The following IQCK variants were observed in gnomAD, a reference collection of about 807,000 sequenced individuals.
The protein encoded by IQCK is IQ motif containing K.
Under a neutral mutation model 28.1 loss-of-function variants are expected in IQCK, and 29 were observed. That is an observed-to-expected ratio of 1.03 (90% confidence interval 0.77 to 1.41). IQCK has a LOEUF of 1.41. Ranked by LOEUF, IQCK falls within the 40% of genes most tolerant of loss-of-function variation. IQCK has a pLI of 0.00. For missense variants in IQCK, 359 were observed against 314.7 expected, an observed-to-expected ratio of 1.14 and a Z score of -1.07; for synonymous variants, 113 against 115.1, an observed-to-expected ratio of 0.98 and a Z score of 0.12.
chr16:19,768,637 T>G (rs995769332), intron 6 of IQCK, among the ~76,000 whole-genome samples: 3 of 152,070 alleles, frequency 2.0e-5, no homozygotes, highest in Non-Finnish European at 2.9e-5. Context: ...TCCCAGCTAC[T>G]CGGAAGGCTG....
chr16:19,843,333 G>A (rs11865416), intron 9 of IQCK, among the ~76,000 whole-genome samples: 48,892 of 151,922 alleles, frequency 0.32, 8,405 homozygotes, highest in East Asian at 0.53. Context: ...ATCACCCCCA[G>A]AAGAAACCCT....
At chr16:19,799,077 C>G (rs2055724072) in intron 7 of IQCK, among the ~76,000 whole-genome samples, 1 of 88,260 alleles carries the variant, frequency 1.1e-5, no homozygotes, top group Non-Finnish European at 1.9e-5. Context: ...AAAATATATA[C>G]TATTCATCCT....
chr16:19,817,057 T>C (rs2055998653), intron 7 of IQCK, among the ~76,000 whole-genome samples: 1 of 152,146 alleles, frequency 6.6e-6, no homozygotes, highest in Non-Finnish European at 1.5e-5. Flanking sequence ...TACCCTGTAC[T>C]AGCTTCCATC....
chr16:19,718,556 G>A lies in IQCK; in HGVS notation c.181+69G>A, dbSNP rs991334320. 9 of 1,389,148 alleles carry A rather than the reference G, an allele frequency of 6.5e-6. No homozygotes were observed. In the Admixed American group the frequency reaches 1.6e-4, roughly 25 times the overall value. The allele number at this position is 1,389,148 out of a possible 1,614,324, so 86.1% of individuals were successfully genotyped here. ...CGGACGGGGGCCGCGTTTGGGGAGC[G>A]CCCACTGTGCGCCTGTCGGCTGACG... On this transcript the variant is annotated intron_variant, in intron 1 of 7. Coordinates refer to ENST00000564186, the Ensembl canonical transcript of IQCK.
At chr16:19,836,399 T>C (rs2056297849) in intron 9 of IQCK, among the ~76,000 whole-genome samples, 1 of 152,220 alleles carries the variant, frequency 6.6e-6, no homozygotes, top group African/African-American at 2.4e-5. Context: ...TGCAAAAGTC[T>C]GCACAGCTAT....
intron 7 of IQCK, among the ~76,000 whole-genome samples, chr16:19,799,163 G>T (rs192537341): frequency 8.6e-6 from 1 of 115,990 alleles, no homozygotes; most frequent in Non-Finnish European, 1.6e-5. Flanking sequence ...ACTTTTTTAA[G>T]CCTACTCTCT....
At chr16:19,726,017 A>T (rs1977643910) in intron 1 of IQCK, among the ~76,000 whole-genome samples, 1 of 150,954 alleles carries the variant, frequency 6.6e-6, no homozygotes, top group South Asian at 2.1e-4. Flanking sequence ...CCGAGTTCAC[A>T]CCATTATCCT....
chr16:19,753,355 A>T (rs910539824), intron 4 of IQCK, among the ~76,000 whole-genome samples: 1 of 152,120 alleles, frequency 6.6e-6, no homozygotes, highest in Non-Finnish European at 1.5e-5. Context: ...GAGCCTAGGA[A>T]TTCAAGGCTG....
At chr16:19,746,279 C>G (rs942307181) in intron 4 of IQCK, among the ~76,000 whole-genome samples, 1 of 151,008 alleles carries the variant, frequency 6.6e-6, no homozygotes. Flanking sequence ...GCATGCAATG[C>G]GAAATATCAT....
intron 4 of IQCK, among the ~76,000 whole-genome samples, chr16:19,750,832 A>G (rs1449880440): frequency 1.3e-5 from 2 of 152,182 alleles, no homozygotes; most frequent in African/African-American, 4.8e-5. Flanking sequence ...GAAAGATAAC[A>G]ATTGAATAAC....
At chr16:19,774,590 C>G (rs991422130) in intron 6 of IQCK, among the ~76,000 whole-genome samples, 1 of 152,022 alleles carries the variant, frequency 6.6e-6, no homozygotes, top group East Asian at 1.9e-4. Flanking sequence ...TCTGGAACTC[C>G]TGAGCTCAAG....
chr16:19,842,011 C>T (rs897233567), intron 9 of IQCK, among the ~76,000 whole-genome samples: 22 of 151,990 alleles, frequency 1.4e-4, no homozygotes, highest in Non-Finnish European at 2.6e-4. Flanking sequence ...ACGCCTAGCA[C>T]ATTTTTGTAT....
chr16:19,725,145 T>C (rs979698506), intron 1 of IQCK, among the ~76,000 whole-genome samples: 1 of 152,340 alleles, frequency 6.6e-6, no homozygotes, highest in East Asian at 1.9e-4. Context: ...TTATAACCTT[T>C]GGTAATGGAA....
At chr16:19,836,835 A>G (rs1209793242) in intron 9 of IQCK, among the ~76,000 whole-genome samples, 1 of 152,178 alleles carries the variant, frequency 6.6e-6, no homozygotes, top group Non-Finnish European at 1.5e-5. Context: ...TTTGAAGGAT[A>G]TAGATAAATC....
At chr16:19,726,490 C>G (rs1317662316) in intron 1 of IQCK, among the ~76,000 whole-genome samples, 1 of 151,980 alleles carries the variant, frequency 6.6e-6, no homozygotes, top group Admixed American at 6.6e-5. Flanking sequence ...AAATACCTCT[C>G]TGTGGATCAA....
At chr16:19,719,427 A>G (rs11859190) in intron 1 of IQCK, among the ~76,000 whole-genome samples, 2,813 of 151,760 alleles carry the variant, frequency 0.019, 71 homozygotes, top group African/African-American at 0.064. Context: ...CTCTACTGAA[A>G]ATACAAAAAA....
intron 7 of IQCK, among the ~76,000 whole-genome samples, chr16:19,799,597 T>TATACACAC (rs1265590680): frequency 2.7e-5 from 3 of 111,686 alleles, no homozygotes; most frequent in Non-Finnish European, 5.1e-5. Context: ...TATATATATA[T>TATACACAC]ACACACACAC....
chr16:19,780,125 T>G (rs1445599559), intron 6 of IQCK, among the ~76,000 whole-genome samples: 2 of 151,634 alleles, frequency 1.3e-5, no homozygotes, highest in Non-Finnish European at 2.9e-5. Context: ...CACAGCAACT[T>G]CCGCCTCCTA....
At chr16:19,802,500 A>T (rs1382672769) in intron 7 of IQCK, among the ~76,000 whole-genome samples, 3 of 106,748 alleles carry the variant, frequency 2.8e-5, no homozygotes, top group Non-Finnish European at 5.5e-5. Flanking sequence ...GCTTCAGTCC[A>T]CATAAGGAAC....
Sources: allele counts gnomAD v4.1 joint callset (sites outside exome capture counted in the v4.1 genomes callset), GRCh38; gene constraint gnomAD v4.1.1; transcripts MANE v1.5; gene names NCBI Gene and HGNC (gene_info 2026-07-23, HGNC 2026-07-21).